PCDH15: variants seen among roughly 807,000 people sequenced by gnomAD.
PCDH15 encodes protocadherin related 15, also known as protocadherin-15.
A neutral mutation model predicts 178.5 loss-of-function variants in PCDH15; 129 were observed. The ratio of observed to expected loss-of-function variants is 0.72; its 90% confidence interval spans 0.63 to 0.84. The LOEUF (loss-of-function observed/expected upper bound fraction) is 0.84, where lower values mean the gene tolerates loss of function less well. PCDH15 is among the 40% of genes least tolerant of loss of function. The pLI, the probability that PCDH15 is intolerant of heterozygous loss-of-function variation, is 0.00. For synonymous variants in PCDH15, 800 were observed against 732.0 expected (o/e 1.09, Z -1.50); for missense variants, 2,230 against 2,099.9 (o/e 1.06, Z -1.21).
At position 55,490,811 on chromosome 10, in the gene PCDH15, A is replaced by T. The variant is rs377638734; in HGVS notation, c.-156+136814T>A. On this transcript the variant is annotated intron_variant, in intron 2 of 5. Transcript: ENST00000613346. Reference sequence around the variant, plus strand: ...CCAAGAAGGTCAATAAAGCTTAAGGAAGATAAACACAAATAAAATCACGTT... The same window carrying T: ...CCAAGAAGGTCAATAAAGCTTAAGGTAGATAAACACAAATAAAATCACGTT... Among the ~76,000 whole-genome samples the T allele has an allele frequency of 8.6e-5, 13 of 151,940 alleles. No homozygotes were observed. The East Asian group carries it at 2.3e-3, about 27-fold the overall frequency.
Position 54,996,185 on chromosome 10 carries a change from T to C in PCDH15, c.-79-98685A>G, listed in dbSNP as rs537026170. Among the ~76,000 whole-genome samples, 501 of 152,270 alleles carry C rather than the reference T, an allele frequency of 3.3e-3. 3 individuals carry two copies. Among genetic ancestry groups the C allele is most frequent in the African/African-American group, 0.012 (485 of 41,562 alleles). On this transcript the variant is annotated intron_variant, in intron 2 of 5. Transcript: ENST00000458638. ...CCTAAACAGTGGCTTCACCATTTTT[T>C]CGCCAGAGCTTGGTCTCATTCTCTC... is the stretch of plus-strand genomic sequence containing the variant.
chr10:55,105,119 G>A (rs1189545102), intron 2 of PCDH15, among the ~76,000 whole-genome samples: 1 of 152,072 alleles, frequency 6.6e-6, no homozygotes, highest in Non-Finnish European at 1.5e-5. Context: ...TGTCAGGTAT[G>A]GTCTGTAAGT....
At chr10:54,079,802 A>G (rs1189619557) in intron 16 of PCDH15, among the ~76,000 whole-genome samples, 1 of 152,182 alleles carries the variant, frequency 6.6e-6, no homozygotes, top group African/African-American at 2.4e-5. Context: ...GGTTTCCTAT[A>G]ACTAATGTAT....
In PCDH15 at chr10:54,317,274, A is replaced by G. The variant is rs200316258; in HGVS notation, c.873T>C (p.Thr291=). ...TYQAAIPELR[T]PEELNPIIVT... ...AGAAAGATAAGAGTATATTTACCGG[A>G]GTTCTCAACTCAGGTATGGCAGCTT... The change falls in exon 8 of 38, where the codon ACT becomes ACC. Residue 291 remains threonine, a synonymous_variant. Coordinates refer to ENST00000644397, the MANE Select transcript of PCDH15 (RefSeq NM_001384140.1). 1.9e-6 allele frequency: 3 copies of G among 1,613,254 alleles called. No individual in the cohort carries two copies. Among genetic ancestry groups the G allele is most frequent in the Admixed American group, 1.7e-5 (1 of 59,978 alleles).
chr10:55,254,639 A>G (rs1225771075), intron 1 of PCDH15, among the ~76,000 whole-genome samples: 2 of 152,202 alleles, frequency 1.3e-5, no homozygotes, highest in East Asian at 3.9e-4. Flanking sequence ...GAAGAAATTT[A>G]ATCTTACCTA....
At chr10:53,845,137 A>T (rs2077889630) in intron 28 of PCDH15, among the ~76,000 whole-genome samples, 1 of 152,034 alleles carries the variant, frequency 6.6e-6, no homozygotes, top group Non-Finnish European at 1.5e-5. Context: ...ATCACTAATC[A>T]TCAAGGCAAT....
At chr10:54,857,612 AT>A (rs1183955515) in intron 3 of PCDH15, among the ~76,000 whole-genome samples, 5 of 145,152 alleles carry the variant, frequency 3.4e-5, no homozygotes, top group South Asian at 4.4e-4. Flanking sequence ...TGCCTGGCTA[AT>A]TTTTTTTTCT....
At chr10:55,230,647 G>C (rs1306383067) in intron 1 of PCDH15, among the ~76,000 whole-genome samples, 1 of 152,082 alleles carries the variant, frequency 6.6e-6, no homozygotes, top group African/African-American at 2.4e-5. Context: ...ACAGCGGACA[G>C]TGTTACTTCT....
intron 2 of PCDH15, among the ~76,000 whole-genome samples, chr10:55,067,229 C>CTTCA (rs1841588197): frequency 6.6e-6 from 1 of 151,972 alleles, no homozygotes; most frequent in Admixed American, 6.6e-5. Flanking sequence ...ACCAACCTCC[C>CTTCA]TTCATCCCCA....
At chr10:54,264,311 C>T (rs1034903770) in intron 8 of PCDH15, among the ~76,000 whole-genome samples, 11 of 152,016 alleles carry the variant, frequency 7.2e-5, no homozygotes, top group African/African-American at 7.2e-5. Context: ...TATCAACTCC[C>T]GCAGATGGAA....
chr10:54,098,854 G>A (rs569490854), intron 15 of PCDH15, among the ~76,000 whole-genome samples: 21 of 152,040 alleles, frequency 1.4e-4, no homozygotes, highest in South Asian at 8.3e-4. Context: ...AAACCAAATA[G>A]AAAAAAATCA....
In PCDH15 at chr10:55,058,703, G is replaced by A. The variant is rs147042292; in HGVS notation, c.-80+107873C>T. The stretch of plus-strand genomic sequence containing the variant: ...GTACTAATGTTATCATATTTGGCAG[G>A]TCTGAAAATGGAAATATTCTCTCCT... On this transcript the variant is annotated intron_variant, in intron 2 of 5. Transcript: ENST00000458638. Among the ~76,000 whole-genome samples the A allele has an allele frequency of 3.0e-3, 458 of 152,126 alleles. 2 individuals carry two copies. The highest frequency in any genetic ancestry group is 9.9e-3 in the African/African-American group (412 of 41,470).
intron 2 of PCDH15, among the ~76,000 whole-genome samples, chr10:54,898,191 A>G (rs980579249): frequency 6.6e-6 from 1 of 151,412 alleles, no homozygotes; most frequent in Non-Finnish European, 1.5e-5. Context: ...AGCCAATTAA[A>G]CCTCTTTTCT....
At chr10:55,568,907 G>A (rs556494215) in intron 2 of PCDH15, among the ~76,000 whole-genome samples, 1 of 152,056 alleles carries the variant, frequency 6.6e-6, no homozygotes, top group East Asian at 1.9e-4. Context: ...TTCTGGGAGG[G>A]GTAACTTTGA....
In PCDH15 at chr10:55,609,887, G is replaced by A. The variant is rs16907543; in HGVS notation, c.-156+17738C>T. Among the ~76,000 whole-genome samples the A allele has an allele frequency of 4.7e-3, 711 of 152,136 alleles. 7 individuals carry two copies. The highest frequency in any genetic ancestry group is 0.016 in the African/African-American group (674 of 41,532). Reference sequence around the variant, plus strand: ...AATATCTGATCATATATTGTTAACTGTAATACAAAAGCAAGTAGAAATAGC... The same window carrying A: ...AATATCTGATCATATATTGTTAACTATAATACAAAAGCAAGTAGAAATAGC... On this transcript the variant is annotated intron_variant, in intron 2 of 5. Transcript: ENST00000613346.
chr10:55,491,934 A>G (rs1175456888), intron 2 of PCDH15, among the ~76,000 whole-genome samples: 2 of 151,612 alleles, frequency 1.3e-5, no homozygotes, highest in African/African-American at 4.8e-5. Flanking sequence ...AACAGAATGC[A>G]TGGAGTGTAC....
intron 9 of PCDH15, among the ~76,000 whole-genome samples, chr10:54,224,049 T>C (rs1311306098): frequency 6.6e-6 from 1 of 152,172 alleles, no homozygotes; most frequent in Non-Finnish European, 1.5e-5. Context: ...GTATCAAATT[T>C]TTCCCTTCAC....
At chr10:54,877,972 T>TGAAACGGAG (rs1954181312) in intron 3 of PCDH15, among the ~76,000 whole-genome samples, 2 of 70,562 alleles carry the variant, frequency 2.8e-5, no homozygotes, top group African/African-American at 6.0e-5. Flanking sequence ...TTTTTTTTTT[T>TGAAACGGAG]TTTTTGTTGA....
At chr10:54,449,054 T>G (rs566869645) in intron 3 of PCDH15, among the ~76,000 whole-genome samples, 30 of 151,776 alleles carry the variant, frequency 2.0e-4, no homozygotes, top group African/African-American at 7.2e-4. Flanking sequence ...GTAAGAAAAC[T>G]CAGAGTCTCT....
Sources: gnomAD v4.1 joint callset for allele counts (sites outside exome capture counted in the v4.1 genomes callset) on GRCh38, gnomAD v4.1.1 for gene constraint, MANE v1.5 for transcripts, NCBI Gene and HGNC (gene_info 2026-07-23, HGNC 2026-07-21) for gene names.